The following NAV2 variants were observed in gnomAD, a reference collection of about 807,000 sequenced individuals.
The protein encoded by NAV2 is neuron navigator 2.
NAV2 carries 54 observed loss-of-function variants against 223.2 expected under a neutral mutation model. The observed-to-expected ratio is 0.24, with a 90% confidence interval of 0.19 to 0.30. NAV2 has a LOEUF of 0.30. Among genes scored for constraint, NAV2 ranks in the 10% least tolerant of loss-of-function variants. The pLI is 1.00. For missense variants in NAV2, 2,806 were observed against 3,147.5 expected (o/e 0.89, Z 2.60); for synonymous variants, 1,279 against 1,239.3 (o/e 1.03, Z -0.67).
intron 11 of NAV2, among the ~76,000 whole-genome samples, chr11:19,997,733 A>G (rs920072920): frequency 5.3e-5 from 8 of 152,144 alleles, no homozygotes; most frequent in African/African-American, 1.4e-4. Flanking sequence ...TATCAGAGAC[A>G]CCAGGCTGCC....
At chr11:19,860,235 G>A (rs1211847433) in intron 3 of NAV2, among the ~76,000 whole-genome samples, 6 of 146,408 alleles carry the variant, frequency 4.1e-5, no homozygotes, top group African/African-American at 1.3e-4. Flanking sequence ...CTTCCCAGAC[G>A]GGGTGGCTGC....
At chr11:19,444,142 C>A (rs568271600) in intron 1 of NAV2, among the ~76,000 whole-genome samples, 2 of 152,284 alleles carry the variant, frequency 1.3e-5, no homozygotes, top group South Asian at 4.2e-4. Context: ...GAGGTTTCAC[C>A]ATCTTGGGCA....
chr11:19,959,851 G>A (rs945265575), intron 10 of NAV2, among the ~76,000 whole-genome samples: 1 of 152,124 alleles, frequency 6.6e-6, no homozygotes, highest in Non-Finnish European at 1.5e-5. Flanking sequence ...ATCATGCTTA[G>A]CAAGGTGCTC....
intron 14 of NAV2, among the ~76,000 whole-genome samples, chr11:20,047,516 A>T (rs138939347): frequency 2.6e-5 from 4 of 152,316 alleles, no homozygotes; most frequent in Non-Finnish European, 5.9e-5. Context: ...AAAAAAGTGG[A>T]TGAGATTTGG....
chr11:19,741,493 CTTTCTTT>C (rs2052795179), intron 1 of NAV2, among the ~76,000 whole-genome samples: 1 of 70,158 alleles, frequency 1.4e-5, no homozygotes. Context: ...TTCTTTCTTT[CTTTCTTT>C]TTTTTTTTTT....
At chr11:19,918,597 T>G (rs1359531802) in intron 6 of NAV2, among the ~76,000 whole-genome samples, 1 of 152,250 alleles carries the variant, frequency 6.6e-6, no homozygotes, top group Non-Finnish European at 1.5e-5. Flanking sequence ...GGAATAGATA[T>G]GCCCCTGGAA....
rs143714852 is a variant in NAV2, at chr11:19,471,266, C to T, written c.75+120239C>T. Among the ~76,000 whole-genome samples the T allele has an allele frequency of 1.4e-3, 210 of 152,262 alleles. 2 individuals are homozygous for T. The highest frequency in any genetic ancestry group is 2.0e-3 in the Non-Finnish European group (137 of 68,028). On this transcript the variant is annotated intron_variant, in intron 1 of 37. Coordinates refer to the NAV2 transcript ENST00000360655. ...TCCTTTGTGCAGGTCACTTAAACTT[C>T]CCAAGTCTCCATTTATTCATCTGTG...
intron 1 of NAV2, among the ~76,000 whole-genome samples, chr11:19,431,228 G>A (rs1370947139): frequency 6.6e-6 from 1 of 152,206 alleles, no homozygotes; most frequent in Non-Finnish European, 1.5e-5. Flanking sequence ...AGCCCGAAGT[G>A]GGAATCGGCA....
chr11:19,760,765 A>G (rs1489675043), intron 1 of NAV2, among the ~76,000 whole-genome samples: 1 of 152,242 alleles, frequency 6.6e-6, no homozygotes, highest in Non-Finnish European at 1.5e-5. Flanking sequence ...ACCAGTTATG[A>G]ACTACAAATG....
chr11:19,861,356 T>C (rs2061775677), intron 3 of NAV2, among the ~76,000 whole-genome samples: 1 of 149,692 alleles, frequency 6.7e-6, no homozygotes, highest in Non-Finnish European at 1.5e-5. Flanking sequence ...GGAAAGCAGA[T>C]AAGCCTGTTC....
chr11:19,586,158 C>T (rs1285234556), intron 1 of NAV2, among the ~76,000 whole-genome samples: 1 of 152,172 alleles, frequency 6.6e-6, no homozygotes, highest in Non-Finnish European at 1.5e-5. Flanking sequence ...CCCTTTCTTC[C>T]AGTTGATTGA....
chr11:19,973,100 G>A (rs2049393201), intron 10 of NAV2, among the ~76,000 whole-genome samples: 1 of 152,080 alleles, frequency 6.6e-6, no homozygotes, highest in African/African-American at 2.4e-5. Flanking sequence ...AGTACACCGT[G>A]GCATTCTTTC....
At chr11:19,440,706 C>T (rs1207967925) in intron 1 of NAV2, among the ~76,000 whole-genome samples, 1 of 152,124 alleles carries the variant, frequency 6.6e-6, no homozygotes, top group Non-Finnish European at 1.5e-5. Context: ...ACTGTTGAAC[C>T]TGACTGCCCA....
At chr11:19,980,929 C>A (rs2050236490) in intron 10 of NAV2, among the ~76,000 whole-genome samples, 1 of 152,142 alleles carries the variant, frequency 6.6e-6, no homozygotes, top group Non-Finnish European at 1.5e-5. Context: ...GAGAGACATA[C>A]AACAGAATTT....
At chr11:20,103,158 C>T (rs2061758922) in intron 32 of NAV2, 97 bp from the exon 33 acceptor site, 4 of 1,194,412 alleles carry the variant, frequency 3.3e-6, no homozygotes, top group Non-Finnish European at 4.8e-6. Context: ...GGCCTTTCTG[C>T]CTCCACTGGC....
At chr11:20,052,980 G>A (rs1247818930) in intron 17 of NAV2, among the ~76,000 whole-genome samples, 1 of 152,114 alleles carries the variant, frequency 6.6e-6, no homozygotes, top group East Asian at 1.9e-4. Context: ...ACTTTGGGAG[G>A]CTGAGGTAGG....
Position 19,998,366 on chromosome 11 carries a change from T to C in NAV2, c.2768+14119T>C, listed in dbSNP as rs1427800013. Among the ~76,000 whole-genome samples the C allele has an allele frequency of 2.0e-5, 3 of 152,022 alleles. No individual in the cohort carries two copies. Among genetic ancestry groups the C allele is most frequent in the Non-Finnish European group, 4.4e-5 (3 of 67,996 alleles). On this transcript the variant is annotated intron_variant, in intron 11 of 37. Coordinates refer to ENST00000349880, the MANE Select transcript of NAV2 (RefSeq NM_145117.5). This position sits in a 1 kb window ranked among gnomAD's most constrained non-coding sequence, Gnocchi z 5.0. ...CTGCCGTCCTCTCTCATCTGAGCTC[T>C]CCCACTGCAGCCTTCCAGGCCCACT...
intron 11 of NAV2, among the ~76,000 whole-genome samples, chr11:20,012,722 G>A (rs993821728): frequency 1.1e-4 from 16 of 151,804 alleles, no homozygotes; most frequent in African/African-American, 3.4e-4. Flanking sequence ...AGGGGATAGG[G>A]TTGTTGTCAA....
intron 1 of NAV2, among the ~76,000 whole-genome samples, chr11:19,668,270 G>A (rs1034528758): frequency 1.3e-5 from 2 of 152,176 alleles, no homozygotes; most frequent in African/African-American, 4.8e-5. Context: ...GGGCATGGTG[G>A]CTTACGCCTG....
Sources: gnomAD v4.1 joint callset for allele counts (sites outside exome capture counted in the v4.1 genomes callset) on GRCh38, gnomAD v4.1.1 for gene constraint, Gnocchi (gnomAD v3.1) non-coding constraint, MANE v1.5 for transcripts, NCBI Gene and HGNC (gene_info 2026-07-23, HGNC 2026-07-21) for gene names.